The following LIN54 variants were observed in gnomAD, a reference collection of about 807,000 sequenced individuals.
LIN54 encodes the protein protein lin-54 homolog.
Under a neutral mutation model 78.7 loss-of-function variants are expected in LIN54, and 9 were observed. The observed-to-expected ratio is 0.11, with a 90% CI of 0.07 to 0.20. LIN54 has a LOEUF of 0.20. Ranked by LOEUF, LIN54 falls within the 10% of genes least tolerant of loss-of-function variation. The pLI, the probability that LIN54 is intolerant of heterozygous loss-of-function variation, is 1.00. For missense variants in LIN54, 573 were observed against 889.9 expected (o/e 0.64, Z 4.53); for synonymous variants, 269 against 318.4 (o/e 0.84, Z 1.65).
At chr4:82,982,676 GA>G (rs1445289372) in intron 2 of LIN54, among the ~76,000 whole-genome samples, 1 of 152,178 alleles carries the variant, frequency 6.6e-6, no homozygotes, top group East Asian at 1.9e-4. Context: ...GCAAAAATAA[GA>G]AGTAAAAGGA....
In LIN54 at chr4:82,926,874, A is replaced by G. The variant is rs1721509428; in HGVS notation, c.*1228T>C. The G allele has an allele frequency of 6.6e-6, 1 of 152,230 alleles. No individual in the cohort carries two copies. Among genetic ancestry groups the G allele is most frequent in the Non-Finnish European group, 1.5e-5 (1 of 68,068 alleles). The allele number at this position is 152,230 out of a possible 1,614,324, so 9.4% of individuals were successfully genotyped here. On this transcript the variant is annotated 3_prime_UTR_variant, in exon 13 of 13. Transcript: ENST00000340417. ...CAAAAGTCTATAAAAAGGGCCTGGCACGGCGGCTTATGCCTGTAATCCCAG... is the reference window on the plus strand; with the variant it reads ...CAAAAGTCTATAAAAAGGGCCTGGCGCGGCGGCTTATGCCTGTAATCCCAG...
At chr4:83,006,140 G>A (rs929944516) in intron 1 of LIN54, among the ~76,000 whole-genome samples, 1 of 152,098 alleles carries the variant, frequency 6.6e-6, no homozygotes, top group African/African-American at 2.4e-5. Flanking sequence ...GGGGACGTAG[G>A]GAGGGGATCA....
intron 4 of LIN54, among the ~76,000 whole-genome samples, chr4:82,969,719 T>C (rs902959208): frequency 2.0e-5 from 3 of 152,234 alleles, no homozygotes; most frequent in African/African-American, 2.4e-5. Context: ...CTGAATAATA[T>C]GTCCTTTAAA....
At chr4:82,941,193 A>ATATATATATATATATAT (rs1722853736) in intron 5 of LIN54, among the ~76,000 whole-genome samples, 1 of 143,374 alleles carries the variant, frequency 7.0e-6, no homozygotes, top group African/African-American at 2.7e-5. Context: ...AGAGGATGGA[A>ATATATATATATATATAT]ATATAGAAAA....
chr4:82,945,471 C>A (rs1181970253), intron 5 of LIN54, among the ~76,000 whole-genome samples: 1 of 151,622 alleles, frequency 6.6e-6, no homozygotes, highest in African/African-American at 2.4e-5. Flanking sequence ...AGGGAAAATA[C>A]AACTAAGCAA....
In LIN54 at chr4:82,992,370, T is replaced by C. The variant is rs571339889; in HGVS notation, c.-32-7494A>G. On this transcript the variant is annotated intron_variant, in intron 1 of 12. Coordinates refer to ENST00000340417, the MANE Select transcript of LIN54 (RefSeq NM_194282.4). Reference sequence around the variant, plus strand: ...GATTAGCTAGAGATTATCCATTTTATTGACCTTTACAAAGAACCATTTTTG... The same window carrying C: ...GATTAGCTAGAGATTATCCATTTTACTGACCTTTACAAAGAACCATTTTTG... 5.5e-4 allele frequency among the ~76,000 whole-genome samples: 84 copies of C among 152,326 alleles called. 1 individual carries two copies. The South Asian group carries it at 0.016, about 29-fold the overall frequency.
At position 82,931,089 on chromosome 4, in the gene LIN54, T is replaced by G; in HGVS notation, c.1902A>C (p.Glu634Asp). 1 of 1,614,202 alleles carries G rather than the reference T, an allele frequency of 6.2e-7. No homozygotes were observed. Among genetic ancestry groups the G allele is most frequent in the Non-Finnish European group, 8.5e-7 (1 of 1,180,028 alleles). Residue 634 changes from glutamate (E) to aspartate (D), a missense_variant, in exon 12 of 13, where the codon GAA (glutamate) becomes GAC (aspartate). Physicochemically the swap from Glu to Asp is conservative, Grantham distance 45. This residue lies in a region of LIN54 where 82 missense variants were observed against 140.8 expected (regional missense o/e 0.58). Transcript: ENST00000340417. ...CKCIGCKNFE[E>D]SPERKTLMHL... Reference sequence around the variant, plus strand: ...GCATCAATGTCTTCCTTTCCGGGCTTTCTTCAAAATTCTTACAGCCAATAC... The same window carrying G: ...GCATCAATGTCTTCCTTTCCGGGCTGTCTTCAAAATTCTTACAGCCAATAC...
chr4:82,925,371 T>A lies in LIN54; in HGVS notation c.*2731A>T, dbSNP rs1222946038. 2.0e-5 allele frequency: 3 copies of A among 152,212 alleles called. No individual in the cohort carries two copies. Among genetic ancestry groups the A allele is most frequent in the Non-Finnish European group, 4.4e-5 (3 of 68,058 alleles). 9.4% of individuals were successfully genotyped at this position (152,212 alleles called of 1,614,324 possible). ...ACCACACGCAGTGAATTTTTTTATA[T>A]TTTTAGTAGAGACAGGGTTTCACCA... On this transcript the variant is annotated 3_prime_UTR_variant, in exon 13 of 13. Coordinates refer to ENST00000340417, the MANE Select transcript of LIN54 (RefSeq NM_194282.4).
intron 4 of LIN54, among the ~76,000 whole-genome samples, chr4:82,952,365 A>G (rs973552734): frequency 6.6e-6 from 1 of 152,238 alleles, no homozygotes; most frequent in Non-Finnish European, 1.5e-5. Context: ...TAAGCACATA[A>G]AATGGTGCTC....
At chr4:82,950,299 C>T (rs1288505786) in intron 4 of LIN54, among the ~76,000 whole-genome samples, 1 of 152,126 alleles carries the variant, frequency 6.6e-6, no homozygotes, top group Non-Finnish European at 1.5e-5. Context: ...CCCCAATCTC[C>T]CTTGCACTAT....
intron 1 of LIN54, 51 bp from the exon 2 acceptor site, chr4:82,984,927 A>G (rs1022810910): frequency 7.4e-7 from 1 of 1,344,082 alleles, no homozygotes; most frequent in Non-Finnish European, 1.0e-6. Context: ...AAAAGATGTA[A>G]GAAAAAAATT....
At chr4:82,979,939 CAAAAAAA>C (rs70943176) in intron 2 of LIN54, among the ~76,000 whole-genome samples, 15,827 of 49,366 alleles carry the variant, frequency 0.32, 1,395 homozygotes, top group South Asian at 0.51. Flanking sequence ...GACTCTGTCT[CAAAAAAA>C]AAAAAAAAAA....
At chr4:82,985,411 G>C (rs1022596883) in intron 1 of LIN54, among the ~76,000 whole-genome samples, 3 of 152,186 alleles carry the variant, frequency 2.0e-5, no homozygotes, top group East Asian at 3.8e-4. Flanking sequence ...GGAGTTTCTA[G>C]AGTAATACAT....
At chr4:83,004,710 G>A (rs1395545035) in intron 1 of LIN54, among the ~76,000 whole-genome samples, 1 of 151,322 alleles carries the variant, frequency 6.6e-6, no homozygotes, top group Non-Finnish European at 1.5e-5. Flanking sequence ...CGTTGCCCAG[G>A]CTGGTCTTGC....
At chr4:83,006,662 A>G (rs1332631136) in intron 1 of LIN54, among the ~76,000 whole-genome samples, 1 of 152,054 alleles carries the variant, frequency 6.6e-6, no homozygotes, top group Non-Finnish European at 1.5e-5. Flanking sequence ...GTTCAAGTAT[A>G]TAGTATTTAA....
At chr4:82,964,975 G>C (rs111851837) in intron 4 of LIN54, among the ~76,000 whole-genome samples, 1 of 152,110 alleles carries the variant, frequency 6.6e-6, no homozygotes, top group African/African-American at 2.4e-5. Flanking sequence ...TCCAGCATGG[G>C]CAACAGAGGT....
At chr4:82,988,914 C>T (rs543296971) in intron 1 of LIN54, among the ~76,000 whole-genome samples, 2 of 152,054 alleles carry the variant, frequency 1.3e-5, no homozygotes, top group South Asian at 2.1e-4. Context: ...TTTGGCCGGG[C>T]GCGGTGTCTT....
At chr4:82,952,554 CA>C (rs34286925) in intron 4 of LIN54, among the ~76,000 whole-genome samples, 1 of 152,054 alleles carries the variant, frequency 6.6e-6, no homozygotes, top group Non-Finnish European at 1.5e-5. Context: ...GACAGGTCCT[CA>C]AAAAAGTAAG....
intron 1 of LIN54, among the ~76,000 whole-genome samples, chr4:82,989,729 G>A (rs544803229): frequency 3.1e-4 from 47 of 152,272 alleles, no homozygotes; most frequent in African/African-American, 9.4e-4. Context: ...AGGCCACAGA[G>A]GGAGACTGTG....
Sources: gnomAD v4.1 joint callset for allele counts (sites outside exome capture counted in the v4.1 genomes callset) on GRCh38, gnomAD v4.1.1 for gene constraint, gnomAD v4.1.1 regional missense constraint, MANE v1.5 for transcripts, NCBI Gene and HGNC (gene_info 2026-07-23, HGNC 2026-07-21) for gene names.